Variants in DNAH7 observed in about 807,000 individuals in gnomAD.
The protein encoded by DNAH7 is dynein axonemal heavy chain 7.
In DNAH7, 397 loss-of-function variants were observed where a neutral mutation model predicts 444.6. The observed-to-expected ratio is 0.89, with a 90% CI of 0.82 to 0.97. The LOEUF is 0.97. DNAH7 is among the 50% of genes least tolerant of loss of function. The pLI, the probability that DNAH7 is intolerant of heterozygous loss-of-function variation, is 0.00. For synonymous variants in DNAH7, 1,636 were observed against 1,624.4 expected, an observed-to-expected ratio of 1.01 and a Z score of -0.17; for missense variants, 4,902 against 4,800.8, an observed-to-expected ratio of 1.02 and a Z score of -0.62.
intron 63 of DNAH7, among the ~76,000 whole-genome samples, chr2:195,745,973 T>C (rs1186101390): frequency 6.6e-6 from 1 of 152,214 alleles, no homozygotes; most frequent in African/African-American, 2.4e-5. Context: ...AACATCATAA[T>C]GACACAATCA....
At chr2:196,028,818 T>C (rs1373273874) in intron 5 of DNAH7, among the ~76,000 whole-genome samples, 1 of 152,210 alleles carries the variant, frequency 6.6e-6, no homozygotes, top group Non-Finnish European at 1.5e-5. Context: ...TCCCACTAAC[T>C]GCCCAGTGAG....
intron 24 of DNAH7, among the ~76,000 whole-genome samples, chr2:195,911,855 G>C: frequency 6.6e-6 from 1 of 152,270 alleles, no homozygotes; most frequent in Non-Finnish European, 1.5e-5. Context: ...ACATTGCCTA[G>C]TAAGGGGAAG....
rs771507703 is a variant in DNAH7, at chr2:195,923,824, T to G, written c.3613-17A>C. 6.2e-6 allele frequency: 10 copies of G among 1,606,942 alleles called. No individual in the cohort carries two copies. Among genetic ancestry groups the G allele is most frequent in the East Asian group, 2.2e-5 (1 of 44,678 alleles). ...CTCAAGAGCCTGAAAGAAAAGAAAA[T>G]AAGATATGATTTCCCAATGTGATCA... On this transcript the variant is annotated splice_polypyrimidine_tract_variant and intron_variant, in intron 22 of 64. Transcript: ENST00000312428.
At chr2:195,823,089 C>T (rs1174664415) in intron 49 of DNAH7, among the ~76,000 whole-genome samples, 2 of 152,082 alleles carry the variant, frequency 1.3e-5, no homozygotes, top group African/African-American at 4.8e-5. Context: ...CAAGTAGCAC[C>T]CCAATCTATG....
intron 2 of DNAH7, among the ~76,000 whole-genome samples, chr2:196,052,324 C>T (rs899573917): frequency 2.0e-5 from 3 of 152,166 alleles, no homozygotes; most frequent in African/African-American, 7.2e-5. Context: ...CTCTATTCTT[C>T]AGGGCTGTGC....
chr2:195,886,002 T>C, intron 34 of DNAH7, 139 bp downstream of exon 34: 1 of 1,024,144 alleles, frequency 9.8e-7, no homozygotes, highest in Non-Finnish European at 1.4e-6. Context: ...GGCCTGGCTC[T>C]TTGCTCATTC....
intron 10 of DNAH7, among the ~76,000 whole-genome samples, chr2:196,007,622 T>C (rs551737305): frequency 3.3e-4 from 50 of 152,316 alleles, no homozygotes; most frequent in Admixed American, 9.8e-4. Context: ...GTGGAGATAA[T>C]TGAATCACAG....
chr2:195,779,082 A>T (rs1214141646), intron 58 of DNAH7, among the ~76,000 whole-genome samples: 1 of 152,130 alleles, frequency 6.6e-6, no homozygotes, highest in Non-Finnish European at 1.5e-5. Context: ...TGACCTCATG[A>T]TCCGCCTGCC....
At chr2:195,784,577 G>A (rs570807927) in intron 58 of DNAH7, among the ~76,000 whole-genome samples, 1 of 152,318 alleles carries the variant, frequency 6.6e-6, no homozygotes, top group African/African-American at 2.4e-5. Context: ...AGGTATTTGT[G>A]TGGACCTAAG....
chr2:196,041,629 C>T (rs556734564), intron 5 of DNAH7, among the ~76,000 whole-genome samples: 162 of 152,114 alleles, frequency 1.1e-3, no homozygotes, highest in Non-Finnish European at 1.9e-3. Context: ...TGGAAAAATG[C>T]TTCAGGAGAT....
chr2:196,030,691 T>C (rs1443870806), intron 5 of DNAH7, among the ~76,000 whole-genome samples: 2 of 152,210 alleles, frequency 1.3e-5, no homozygotes, highest in Admixed American at 6.5e-5. Context: ...ACAGAGCCCA[T>C]TCAAGTCCGA....
chr2:195,830,510 T>C (rs145147797), intron 48 of DNAH7, among the ~76,000 whole-genome samples: 4 of 152,304 alleles, frequency 2.6e-5, no homozygotes, highest in African/African-American at 9.6e-5. Context: ...GACTCAACAG[T>C]TACTCAGCAC....
intron 41 of DNAH7, among the ~76,000 whole-genome samples, chr2:195,862,935 T>C (rs914311155): frequency 6.6e-5 from 10 of 151,822 alleles, no homozygotes; most frequent in African/African-American, 2.2e-4. Flanking sequence ...ACTTGGGAGG[T>C]TGAGGCAGAA....
At chr2:195,994,192 C>G (rs1230198241) in intron 12 of DNAH7, 1 of 243,726 alleles carries the variant, frequency 4.1e-6, no homozygotes, top group East Asian at 1.1e-4. Flanking sequence ...GACAGATGTT[C>G]TGGTCCCATG....
intron 1 of DNAH7, among the ~76,000 whole-genome samples, chr2:196,058,622 A>T (rs1287134462): frequency 1.4e-5 from 2 of 138,632 alleles, no homozygotes; most frequent in Non-Finnish European, 3.0e-5. Flanking sequence ...AAGACTTAGG[A>T]ATAAATTTAA....
rs1295763571 is a variant in DNAH7, at chr2:195,776,527, TG to T, written c.11065-545del. Reference sequence around the variant, plus strand: ...CTTTCAATTGGAATGGGTTTTTTAATGGGGGGGAGGGGAATCCTGGTAACTT... The same window carrying T: ...CTTTCAATTGGAATGGGTTTTTTAATGGGGGGAGGGGAATCCTGGTAACTT... On this transcript the variant is annotated intron_variant, in intron 59 of 64. Coordinates refer to ENST00000312428, the MANE Select transcript of DNAH7 (RefSeq NM_018897.3). Among the ~76,000 whole-genome samples the T allele has an allele frequency of 3.3e-5, 5 of 152,050 alleles. No individual in the cohort carries two copies. In the East Asian group the frequency reaches 5.8e-4, roughly 18 times the overall value.
At chr2:196,016,032 C>A (rs1272705460) in intron 9 of DNAH7, among the ~76,000 whole-genome samples, 1 of 152,210 alleles carries the variant, frequency 6.6e-6, no homozygotes, top group East Asian at 1.9e-4. Flanking sequence ...TCTGCCACCA[C>A]AACTACGGAG....
chr2:195,885,035 T>G lies in DNAH7; in HGVS notation c.5539-226A>C, dbSNP rs1306240239. Among the ~76,000 whole-genome samples, 4 of 152,200 alleles carry G rather than the reference T, an allele frequency of 2.6e-5. No homozygotes were observed. The East Asian group carries it at 7.7e-4, about 29-fold the overall frequency. On this transcript the variant is annotated intron_variant, in intron 34 of 64. Transcript: ENST00000312428. ...ATGATACAAAACAAAGTATACATTC[T>G]GGCCATAGTGAAACTTCAGAATGAT...
intron 61 of DNAH7, among the ~76,000 whole-genome samples, chr2:195,760,141 A>G (rs1312663954): frequency 6.6e-6 from 1 of 152,020 alleles, no homozygotes; most frequent in Non-Finnish European, 1.5e-5. Flanking sequence ...TGAACCTGTG[A>G]TGATGGCAGC....
Sources: allele counts gnomAD v4.1 joint callset (sites outside exome capture counted in the v4.1 genomes callset), GRCh38; gene constraint gnomAD v4.1.1; transcripts MANE v1.5; gene names NCBI Gene and HGNC (gene_info 2026-07-23, HGNC 2026-07-21).